Variants in FRAS1 observed in about 807,000 individuals in gnomAD.
FRAS1 encodes the protein extracellular matrix organizing protein FRAS1.
FRAS1 carries 290 observed loss-of-function variants against 435.2 expected under a neutral mutation model. That is an observed-to-expected ratio of 0.67 (90% CI 0.61 to 0.73). FRAS1 has a LOEUF of 0.73. FRAS1 is among the 30% of genes least tolerant of loss of function. The pLI is 0.00. For synonymous variants in FRAS1, 1,800 were observed against 1,851.0 expected (o/e 0.97, Z 0.71); for missense variants, 4,860 against 5,001.5 (o/e 0.97, Z 0.85).
At chr4:78,065,136 T>C (rs1160342569) in intron 1 of FRAS1, among the ~76,000 whole-genome samples, 1 of 144,728 alleles carries the variant, frequency 6.9e-6, no homozygotes, top group Non-Finnish European at 1.5e-5. Context: ...CTATATATTA[T>C]ATATATACTA....
intron 2 of FRAS1, among the ~76,000 whole-genome samples, chr4:78,172,268 T>C (rs1319350300): frequency 6.6e-6 from 1 of 152,186 alleles, no homozygotes; most frequent in Non-Finnish European, 1.5e-5. Flanking sequence ...GTATGTGTAG[T>C]TATTGGTTTT....
intron 2 of FRAS1, among the ~76,000 whole-genome samples, chr4:78,212,634 T>C (rs2110086516): frequency 6.6e-6 from 1 of 152,344 alleles, no homozygotes; most frequent in East Asian, 1.9e-4. Context: ...CCTTTTACTA[T>C]ACCACATTTC....
chr4:78,240,084 T>C (rs1724937062), intron 3 of FRAS1, among the ~76,000 whole-genome samples: 1 of 152,090 alleles, frequency 6.6e-6, no homozygotes, highest in South Asian at 2.1e-4. Context: ...ATGAATGAAT[T>C]AATGAGAGAT....
chr4:78,277,844 C>T (rs1343992404), intron 9 of FRAS1, among the ~76,000 whole-genome samples: 3 of 151,348 alleles, frequency 2.0e-5, no homozygotes, highest in Non-Finnish European at 1.5e-5. Context: ...GACGGAGTCT[C>T]ACTGTCACCC....
chr4:78,171,459 T>C (rs1168936596), intron 2 of FRAS1, among the ~76,000 whole-genome samples: 3 of 152,186 alleles, frequency 2.0e-5, no homozygotes, highest in African/African-American at 7.2e-5. Flanking sequence ...TATCATATAC[T>C]ATGCTTAGAA....
intron 69 of FRAS1, 98 bp downstream of exon 69, chr4:78,522,906 T>G (rs1464365659): frequency 9.9e-6 from 11 of 1,116,650 alleles, no homozygotes; most frequent in Non-Finnish European, 1.3e-5. Context: ...AGGCTAGACT[T>G]TTATTTTAAA....
At chr4:78,258,595 T>C (rs1415667452) in intron 6 of FRAS1, among the ~76,000 whole-genome samples, 1 of 148,482 alleles carries the variant, frequency 6.7e-6, no homozygotes, top group Non-Finnish European at 1.5e-5. Flanking sequence ...AATTTTACTC[T>C]ATTGCATTCT....
Position 78,526,792 on chromosome 4 carries a change from A to G in FRAS1, c.10925+135A>G, listed in dbSNP as rs1721547874. 5.0e-6 allele frequency: 3 copies of G among 602,202 alleles called. No homozygotes were observed. In the Admixed American group the frequency reaches 1.1e-4, roughly 22 times the overall value. The allele number at this position is 602,202 out of a possible 1,614,324, so 37.3% of individuals were successfully genotyped here. A position where few individuals can be genotyped will look rare whatever the true frequency, so the allele number is the denominator to read the frequency against. Reference sequence around the variant, plus strand: ...ATTCACTGACATGCACAGCAGAGTCACAAAACATTTGAGTCACTTAACACA... The same window carrying G: ...ATTCACTGACATGCACAGCAGAGTCGCAAAACATTTGAGTCACTTAACACA... On this transcript the variant is annotated intron_variant, in intron 70 of 73. Coordinates refer to ENST00000512123, the MANE Select transcript of FRAS1 (RefSeq NM_025074.7).
intron 14 of FRAS1, among the ~76,000 whole-genome samples, chr4:78,294,607 G>A (rs991603938): frequency 2.6e-5 from 4 of 152,188 alleles, no homozygotes; most frequent in African/African-American, 9.7e-5. Context: ...ACCTGCCAAA[G>A]CCTTCATTGG....
At chr4:78,237,101 G>A (rs1724793990) in intron 2 of FRAS1, among the ~76,000 whole-genome samples, 1 of 151,998 alleles carries the variant, frequency 6.6e-6, no homozygotes, top group South Asian at 2.1e-4. Flanking sequence ...AGTATCTAGT[G>A]GCGAATACTG....
intron 20 of FRAS1, among the ~76,000 whole-genome samples, chr4:78,362,960 A>G (rs1381180177): frequency 2.0e-5 from 3 of 152,182 alleles, no homozygotes; most frequent in South Asian, 2.1e-4. Context: ...GAAAGAACCA[A>G]TTGGGAGAGG....
At chr4:78,084,680 C>T (rs564398076) in intron 2 of FRAS1, among the ~76,000 whole-genome samples, 12 of 152,124 alleles carry the variant, frequency 7.9e-5, no homozygotes, top group Non-Finnish European at 1.3e-4. Flanking sequence ...AAAGATGTTC[C>T]GTCCTCTTCA....
intron 2 of FRAS1, among the ~76,000 whole-genome samples, chr4:78,115,838 TC>T (rs1294825477): frequency 1.3e-5 from 2 of 152,032 alleles, no homozygotes; most frequent in Non-Finnish European, 2.9e-5. Flanking sequence ...CTTCAGTTCT[TC>T]TCTGATCTTA....
chr4:78,152,143 T>C (rs923602331), intron 2 of FRAS1, among the ~76,000 whole-genome samples: 1 of 152,192 alleles, frequency 6.6e-6, no homozygotes, highest in African/African-American at 2.4e-5. Context: ...TATTATGCTG[T>C]ATTTTAGGAA....
rs1226370758 is a variant in FRAS1 at position 78,068,505 on chromosome 4, G to C, written c.108+2489G>C. The C allele has an allele frequency of 8.8e-6, 4 of 456,152 alleles. 1 individual carries two copies. The highest frequency in any genetic ancestry group is 6.2e-5 in the South Asian group (4 of 64,546). The allele number at this position is 456,152 out of a possible 1,614,324, so 28.3% of individuals were successfully genotyped here. On this transcript the variant is annotated intron_variant, in intron 2 of 73. Transcript: ENST00000512123. ...AGAGATAGGTCAGGGAGGATGGCAG[G>C]GGTCAGAGCATGGTGAGCCTTGTGC...
chr4:78,321,431 C>T (rs1262694537), intron 18 of FRAS1, among the ~76,000 whole-genome samples: 1 of 152,208 alleles, frequency 6.6e-6, no homozygotes. Flanking sequence ...AGTCTCCATT[C>T]CATACAGGAG....
In FRAS1 at chr4:78,057,543, C is replaced by A. The variant is rs1370316323; in HGVS notation, c.-467C>A. ...GGCTCCCGGCGACCCGCGGTGCCGA[C>A]GCAACGCCGACGTATGGTGCCAAGC... On this transcript the variant is annotated 5_prime_UTR_variant, in exon 1 of 74. Coordinates refer to ENST00000512123, the MANE Select transcript of FRAS1 (RefSeq NM_025074.7). This position sits in a 1 kb window ranked among gnomAD's most constrained non-coding sequence, Gnocchi z 4.2. The A allele has an allele frequency of 6.4e-6, 1 of 156,878 alleles. No individual in the cohort carries two copies. Among genetic ancestry groups the A allele is most frequent in the African/African-American group, 2.4e-5 (1 of 41,542 alleles). The allele number at this position is 156,878 out of a possible 1,614,324, so 9.7% of individuals were successfully genotyped here. A position where few individuals can be genotyped will look rare whatever the true frequency, so the allele number is the denominator to read the frequency against.
intron 18 of FRAS1, among the ~76,000 whole-genome samples, chr4:78,324,708 C>CTTTTT (rs139942839): frequency 0.037 from 3,230 of 88,030 alleles, 197 homozygotes; most frequent in African/African-American, 0.079. Flanking sequence ...GCTCAGATTC[C>CTTTTT]TTTTTTTTTT....
chr4:78,440,476 G>A (rs1364061076), intron 40 of FRAS1, among the ~76,000 whole-genome samples: 1 of 152,082 alleles, frequency 6.6e-6, no homozygotes, highest in Non-Finnish European at 1.5e-5. Flanking sequence ...CCTACAGTTA[G>A]CCAAGAGTTG....
Sources: gnomAD v4.1 joint callset for allele counts (sites outside exome capture counted in the v4.1 genomes callset) on GRCh38, gnomAD v4.1.1 for gene constraint, Gnocchi (gnomAD v3.1) non-coding constraint, MANE v1.5 for transcripts, NCBI Gene and HGNC (gene_info 2026-07-23, HGNC 2026-07-21) for gene names.